Variants in JARID2 observed in about 807,000 individuals in gnomAD.
JARID2 encodes protein Jumonji.
JARID2 carries 21 observed loss-of-function variants against 125.6 expected under a neutral mutation model. The ratio of observed to expected loss-of-function variants is 0.17; its 90% CI spans 0.12 to 0.24. The LOEUF (loss-of-function observed/expected upper bound fraction) is 0.24, where lower values mean the gene tolerates loss of function less well. Ranked by LOEUF, JARID2 falls within the 10% of genes least tolerant of loss-of-function variation. The pLI is 1.00. For synonymous variants in JARID2, 736 were observed against 661.6 expected (o/e 1.11, Z -1.73); for missense variants, 1,303 against 1,639.6 (o/e 0.79, Z 3.55).
At chr6:15,492,734 G>A (rs572797423) in intron 6 of JARID2, among the ~76,000 whole-genome samples, 9 of 152,252 alleles carry the variant, frequency 5.9e-5, no homozygotes, top group East Asian at 1.9e-4. Flanking sequence ...CATAGAACAC[G>A]GACCCTCTGG....
intron 3 of JARID2, among the ~76,000 whole-genome samples, chr6:15,423,766 T>G (rs1477477439): frequency 1.3e-5 from 2 of 152,150 alleles, no homozygotes; most frequent in Non-Finnish European, 2.9e-5. Context: ...TCATCTCCAC[T>G]CCTTGCTGGC....
At chr6:15,371,609 T>C (rs547047581) in intron 1 of JARID2, among the ~76,000 whole-genome samples, 2 of 152,338 alleles carry the variant, frequency 1.3e-5, no homozygotes, top group South Asian at 2.1e-4. Flanking sequence ...AATTCAGCTA[T>C]ATCATGCTTT....
intron 1 of JARID2, among the ~76,000 whole-genome samples, chr6:15,356,318 A>G (rs993210820): frequency 1.3e-5 from 2 of 152,154 alleles, no homozygotes; most frequent in South Asian, 2.1e-4. Context: ...GAATAATTCT[A>G]TGTTTAACTT....
intron 16 of JARID2, among the ~76,000 whole-genome samples, chr6:15,515,586 G>A (rs1463130026): frequency 2.0e-5 from 3 of 152,060 alleles, no homozygotes; most frequent in Non-Finnish European, 2.9e-5. Context: ...AGGAGTGCGA[G>A]ACCAGCCTGG....
At chr6:15,331,663 C>T (rs373646021) in intron 1 of JARID2, among the ~76,000 whole-genome samples, 1 of 151,978 alleles carries the variant, frequency 6.6e-6, no homozygotes, top group African/African-American at 2.4e-5. Flanking sequence ...GTCGGGAGTT[C>T]GAGATCAGTC....
Position 15,501,346 on chromosome 6 carries a change from A to G in JARID2, c.2385A>G (p.Glu795=). 2 of 1,602,292 alleles carry G rather than the reference A, an allele frequency of 1.2e-6. No homozygotes were observed. Among genetic ancestry groups the G allele is most frequent in the Non-Finnish European group, 1.7e-6 (2 of 1,173,328 alleles). Residue 795 remains glutamate (E), a synonymous_variant, in exon 8 of 18, where the codon GAA becomes GAG. Transcript: ENST00000341776. ...GGCGACTCTTCGCTCAGGAAAAAGA[A>G]GTGGTCAAGGAAGAGGAGGAGGACA... The part of the protein sequence containing the change: ...GRRRLFAQEK[E]VVKEEEEDKG...
intron 3 of JARID2, among the ~76,000 whole-genome samples, chr6:15,433,514 G>A (rs1262624987): frequency 6.6e-6 from 1 of 151,486 alleles, no homozygotes; most frequent in Non-Finnish European, 1.5e-5. Flanking sequence ...TGTCATCCAA[G>A]TGAAAGTCTT....
chr6:15,504,621 C>T, intron 9 of JARID2, 29 bp downstream of exon 9: 1 of 1,475,946 alleles, frequency 6.8e-7, no homozygotes, highest in Non-Finnish European at 9.5e-7. Context: ...CACGCTGCCT[C>T]TCATGGTGTG....
chr6:15,439,219 C>T (rs1378268918), intron 3 of JARID2, among the ~76,000 whole-genome samples: 2 of 152,226 alleles, frequency 1.3e-5, no homozygotes, highest in East Asian at 3.9e-4. Flanking sequence ...TTGGACATTG[C>T]TCATTTAAGA....
chr6:15,507,297 G>T (rs1477832510), intron 10 of JARID2, 43 bp downstream of exon 10: 2 of 1,595,878 alleles, frequency 1.3e-6, no homozygotes, highest in African/African-American at 1.3e-5. Context: ...GGATGTGACT[G>T]CATCCTTTCC....
intron 1 of JARID2, among the ~76,000 whole-genome samples, chr6:15,346,082 T>G (rs942802929): frequency 6.6e-6 from 1 of 152,360 alleles, no homozygotes; most frequent in African/African-American, 2.4e-5. Flanking sequence ...TGTTGTCAGA[T>G]GTAGATTGGA....
At chr6:15,292,864 T>G (rs1761278584) in intron 1 of JARID2, among the ~76,000 whole-genome samples, 1 of 152,164 alleles carries the variant, frequency 6.6e-6, no homozygotes, top group Admixed American at 6.5e-5. Context: ...ACACGAGATC[T>G]TCCTATGTTG....
intron 1 of JARID2, among the ~76,000 whole-genome samples, chr6:15,255,700 G>A (rs535036371): frequency 7.9e-5 from 12 of 152,308 alleles, no homozygotes; most frequent in Admixed American, 3.9e-4. Flanking sequence ...GCAGAAACAG[G>A]TGCCAGGAGG....
At chr6:15,361,952 G>A (rs113174829) in intron 1 of JARID2, among the ~76,000 whole-genome samples, 4,565 of 143,978 alleles carry the variant, frequency 0.032, 247 homozygotes, top group African/African-American at 0.11. Context: ...CTGGAGTGCA[G>A]TGGTGTGATC....
chr6:15,334,321 A>G (rs1340696407), intron 1 of JARID2, among the ~76,000 whole-genome samples: 2 of 100,892 alleles, frequency 2.0e-5, no homozygotes, highest in Admixed American at 2.5e-4. Context: ...TGTCACCAAT[A>G]GGAACATGAG....
At chr6:15,304,321 C>T (rs954216651) in intron 1 of JARID2, among the ~76,000 whole-genome samples, 1 of 118,798 alleles carries the variant, frequency 8.4e-6, no homozygotes, top group Non-Finnish European at 1.8e-5. Flanking sequence ...CCCCCCCCGC[C>T]CACCCACTGT....
chr6:15,396,121 G>C (rs1765210831), intron 2 of JARID2, among the ~76,000 whole-genome samples: 1 of 152,134 alleles, frequency 6.6e-6, no homozygotes, highest in African/African-American at 2.4e-5. Flanking sequence ...CATTATTTCT[G>C]TGTTCACCTT....
chr6:15,513,101 C>G, intron 15 of JARID2, 56 bp downstream of exon 15: 1 of 1,608,960 alleles, frequency 6.2e-7, no homozygotes. Flanking sequence ...CCTTCGGGGG[C>G]TCACCCCCCG....
chr6:15,516,349 C>T (rs144798543), intron 16 of JARID2, among the ~76,000 whole-genome samples: 3 of 152,346 alleles, frequency 2.0e-5, no homozygotes, highest in East Asian at 3.9e-4. Context: ...TTGGAGTCAG[C>T]GTGAAGTATG....
Sources: allele counts gnomAD v4.1 joint callset (sites outside exome capture counted in the v4.1 genomes callset), GRCh38; gene constraint gnomAD v4.1.1; transcripts MANE v1.5; gene names NCBI Gene and HGNC (gene_info 2026-07-23, HGNC 2026-07-21).